Variants in DNAJC6 observed in about 807,000 individuals in gnomAD.
The protein encoded by DNAJC6 is DnaJ heat shock protein family (Hsp40) member C6.
A neutral mutation model predicts 110.0 loss-of-function variants in DNAJC6; 34 were observed. The ratio of observed to expected loss-of-function variants is 0.31; its 90% CI spans 0.24 to 0.41. The LOEUF is 0.41. Among genes scored for constraint, DNAJC6 ranks in the 10% least tolerant of loss-of-function variants. DNAJC6 has a pLI of 1.00. For missense variants in DNAJC6, 1,031 were observed against 1,207.8 expected (o/e 0.85, Z 2.17); for synonymous variants, 406 against 437.2 (o/e 0.93, Z 0.89).
intron 1 of DNAJC6, among the ~76,000 whole-genome samples, chr1:65,277,827 A>G (rs77590062): frequency 0.036 from 5,450 of 152,248 alleles, 135 homozygotes; most frequent in Non-Finnish European, 0.055. Context: ...ATAATTTGTT[A>G]TCTCTCGAGG....
chr1:65,397,905 T>G (rs1035729602), intron 13 of DNAJC6, among the ~76,000 whole-genome samples: 2 of 152,104 alleles, frequency 1.3e-5, no homozygotes, highest in Admixed American at 6.5e-5. Context: ...CTTGATGCCT[T>G]CTGGTGGTGA....
At chr1:65,408,917 A>G in intron 17 of DNAJC6, 134 bp downstream of exon 17, 1 of 1,086,462 alleles carries the variant, frequency 9.2e-7, no homozygotes, top group Middle Eastern at 2.3e-4. Context: ...AAAATACCAT[A>G]AACTAGGTGG....
At chr1:65,380,921 G>GTTT (rs1162044500) in intron 5 of DNAJC6, among the ~76,000 whole-genome samples, 4 of 99,354 alleles carry the variant, frequency 4.0e-5, no homozygotes, top group Admixed American at 1.2e-4. Flanking sequence ...GTTTTGTTTT[G>GTTT]TTTTTTTTTT....
intron 1 of DNAJC6, among the ~76,000 whole-genome samples, chr1:65,270,518 T>G (rs1185311977): frequency 6.6e-6 from 1 of 152,178 alleles, no homozygotes; most frequent in Non-Finnish European, 1.5e-5. Flanking sequence ...TTAATAAAGA[T>G]TAGAGCAGTC....
chr1:65,392,200 C>T (rs1337799370), intron 11 of DNAJC6, among the ~76,000 whole-genome samples: 2 of 152,164 alleles, frequency 1.3e-5, no homozygotes, highest in African/African-American at 4.8e-5. Flanking sequence ...TAGGCTGGCT[C>T]CAGAGTTCCT....
chr1:65,271,223 G>A (rs533746725), intron 1 of DNAJC6, among the ~76,000 whole-genome samples: 1 of 151,964 alleles, frequency 6.6e-6, no homozygotes, highest in African/African-American at 2.4e-5. Flanking sequence ...AGGCCGATTA[G>A]CATATTTATC....
At chr1:65,355,002 C>A (rs759829212) in intron 1 of DNAJC6, among the ~76,000 whole-genome samples, 5 of 152,000 alleles carry the variant, frequency 3.3e-5, no homozygotes. Flanking sequence ...TCTGGTTGGG[C>A]GTAGTGGCTG....
chr1:65,401,423 G>C (rs1646029409), intron 14 of DNAJC6, among the ~76,000 whole-genome samples: 1 of 152,150 alleles, frequency 6.6e-6, no homozygotes, highest in African/African-American at 2.4e-5. Context: ...CGGTCACTCA[G>C]GAATTGGCAA....
At chr1:65,304,400 G>A (rs1645018725) in intron 1 of DNAJC6, among the ~76,000 whole-genome samples, 1 of 152,044 alleles carries the variant, frequency 6.6e-6, no homozygotes, top group Non-Finnish European at 1.5e-5. Flanking sequence ...TTTATATGTC[G>A]CTCTTGACAG....
chr1:65,356,590 TA>T (rs1645546153), intron 1 of DNAJC6, among the ~76,000 whole-genome samples: 2 of 148,162 alleles, frequency 1.3e-5, no homozygotes, highest in African/African-American at 2.5e-5. Context: ...ATAAATAAAA[TA>T]AAATAAAATA....
chr1:65,359,288 A>G (rs1645576597), intron 1 of DNAJC6, among the ~76,000 whole-genome samples: 2 of 152,206 alleles, frequency 1.3e-5, no homozygotes, highest in Non-Finnish European at 2.9e-5. Context: ...TCTTGACAGC[A>G]AGGACTGGTC....
intron 1 of DNAJC6, among the ~76,000 whole-genome samples, chr1:65,349,091 A>AATACATATATAAAAATATATATGTAT (rs1557534979): frequency 7.4e-6 from 1 of 135,860 alleles, no homozygotes; most frequent in African/African-American, 2.8e-5. Flanking sequence ...TATATATGTA[A>AATACATATATAAAAATATATATGTAT]ATATATATAT....
At chr1:65,373,384 T>C (rs1645727347) in intron 4 of DNAJC6, among the ~76,000 whole-genome samples, 1 of 152,162 alleles carries the variant, frequency 6.6e-6, no homozygotes, top group African/African-American at 2.4e-5. Flanking sequence ...ATTGTACTAA[T>C]TTACCTTCCC....
At chr1:65,411,043 T>C (rs1039076916) in intron 17 of DNAJC6, among the ~76,000 whole-genome samples, 3 of 152,150 alleles carry the variant, frequency 2.0e-5, no homozygotes, top group Non-Finnish European at 4.4e-5. Flanking sequence ...CTCAGCACCC[T>C]TTTGAAAGAT....
At position 65,385,751 on chromosome 1, in the gene DNAJC6, C is replaced by G. The variant is rs1365975888; in HGVS notation, c.840C>G (p.Pro280=). The change falls in exon 7 of 19, where the codon CCC becomes CCG. Residue 280 remains proline (P), a synonymous_variant. Coordinates refer to ENST00000371069, the MANE Select transcript of DNAJC6 (RefSeq NM_001256864.2). ...TGTGTGACCTACTGGCAGACAAGCC[C>G]TACCGCCCTCACTTCAAGCCTCTCA... The part of the protein sequence containing the change: ...GYMCDLLADK[P]YRPHFKPLTI... 1.9e-6 allele frequency: 3 copies of G among 1,613,630 alleles called. No individual in the cohort carries two copies. The highest frequency in any genetic ancestry group is 2.5e-6 in the Non-Finnish European group (3 of 1,179,646).
chr1:65,351,595 T>G (rs1645490176), intron 1 of DNAJC6, among the ~76,000 whole-genome samples: 1 of 152,078 alleles, frequency 6.6e-6, no homozygotes, highest in Non-Finnish European at 1.5e-5. Flanking sequence ...TCCCTTTGAG[T>G]GTGGTGTATG....
Position 65,366,032 on chromosome 1 carries a change from G to A in DNAJC6, c.395-16G>A. 6.2e-7 allele frequency: 1 copy of A among 1,613,582 alleles called. No individual in the cohort carries two copies. ...AACATTTAACCTGTTTTCTTTCTGT[G>A]TGATCTCTCTCCTAGTGATGTCCTT... On this transcript the variant is annotated splice_polypyrimidine_tract_variant and intron_variant, in intron 3 of 18. Transcript: ENST00000371069.
rs1378862909 is a variant in DNAJC6, at chr1:65,387,953, G to C, written c.1114-383G>C. ...AGAGGGAGGATGAGGTGTTATAATG[G>C]GAGCAGTTTGTTTTAGCCAGCAGTG... On this transcript the variant is annotated intron_variant, in intron 8 of 18. Transcript: ENST00000371069. 3.3e-5 allele frequency among the ~76,000 whole-genome samples: 5 copies of C among 152,248 alleles called. No homozygotes were observed. The Middle Eastern group carries it at 0.01, about 311-fold the overall frequency.
intron 1 of DNAJC6, among the ~76,000 whole-genome samples, chr1:65,288,777 A>G (rs1654101058): frequency 6.6e-6 from 1 of 152,208 alleles, no homozygotes; most frequent in African/African-American, 2.4e-5. Flanking sequence ...CATTTAGTAT[A>G]TGATCTTTTG....
Sources: allele counts gnomAD v4.1 joint callset (sites outside exome capture counted in the v4.1 genomes callset), GRCh38; gene constraint gnomAD v4.1.1; transcripts MANE v1.5; gene names NCBI Gene and HGNC (gene_info 2026-07-23, HGNC 2026-07-21).